Variants in MAP2K1 observed in about 807,000 individuals in gnomAD.
MAP2K1 encodes dual specificity mitogen-activated protein kinase kinase 1.
MAP2K1 carries 16 observed loss-of-function variants against 46.3 expected under a neutral mutation model. That is an observed-to-expected ratio of 0.35 (90% CI 0.23 to 0.52). MAP2K1 has a LOEUF of 0.52. Among genes scored for constraint, MAP2K1 ranks in the 20% least tolerant of loss-of-function variants. The pLI is 0.94. For synonymous variants in MAP2K1, 183 were observed against 185.6 expected (o/e 0.99, Z 0.11); for missense variants, 263 against 497.1 (o/e 0.53, Z 4.48).
intron 1 of MAP2K1, among the ~76,000 whole-genome samples, chr15:66,405,726 A>G (rs1229187143): frequency 1.3e-5 from 2 of 152,204 alleles, no homozygotes; most frequent in East Asian, 3.8e-4. Context: ...TCTTTCTCCC[A>G]AAGAATCCTG....
At chr15:66,460,283 A>C (rs1892284902) in intron 5 of MAP2K1, among the ~76,000 whole-genome samples, 1 of 152,228 alleles carries the variant, frequency 6.6e-6, no homozygotes, top group Non-Finnish European at 1.5e-5. Flanking sequence ...ATTCACAGTG[A>C]TGATTATAGC....
At chr15:66,413,908 CTTCT>C (rs2093417796) in intron 1 of MAP2K1, among the ~76,000 whole-genome samples, 1 of 36,812 alleles carries the variant, frequency 2.7e-5, no homozygotes, top group African/African-American at 8.1e-5. Flanking sequence ...TTTTCTTCTT[CTTCT>C]TTTTTTTTTT....
At chr15:66,481,204 A>T (rs1892905583) in intron 5 of MAP2K1, among the ~76,000 whole-genome samples, 2 of 152,250 alleles carry the variant, frequency 1.3e-5, no homozygotes, top group African/African-American at 4.8e-5. Context: ...AATGGAATGG[A>T]ATCATGACTC....
chr15:66,415,111 C>A, intron 1 of MAP2K1: 1 of 520,876 alleles, frequency 1.9e-6, no homozygotes, highest in Non-Finnish European at 3.8e-6. Context: ...GCCACTATTG[C>A]TGAAGTCCTG....
chr15:66,447,860 A>G (rs374928986), intron 5 of MAP2K1, among the ~76,000 whole-genome samples: 6 of 151,782 alleles, frequency 4.0e-5, no homozygotes, highest in African/African-American at 1.5e-4. Flanking sequence ...GTGTCCATGT[A>G]ACAACTCTCA....
chr15:66,476,038 G>A (rs1029575317), intron 5 of MAP2K1, among the ~76,000 whole-genome samples: 3 of 152,160 alleles, frequency 2.0e-5, no homozygotes, highest in East Asian at 1.9e-4. Flanking sequence ...AGAAAATATC[G>A]GAGAAGAACA....
intron 1 of MAP2K1, among the ~76,000 whole-genome samples, chr15:66,429,842 T>A (rs1162593390): frequency 1.3e-5 from 2 of 152,112 alleles, no homozygotes; most frequent in African/African-American, 4.8e-5. Context: ...GTTTGACTGT[T>A]CAGAGACCCA....
At chr15:66,446,440 CAAA>C (rs56036349) in intron 5 of MAP2K1, 29 of 124,234 alleles carry the variant, frequency 2.3e-4, no homozygotes, top group Middle Eastern at 3.7e-3. Flanking sequence ...GACTCCGTCT[CAAA>C]AAAAAAAAAA....
intron 6 of MAP2K1, among the ~76,000 whole-genome samples, chr15:66,482,119 C>T (rs1892928583): frequency 1.3e-5 from 2 of 152,136 alleles, no homozygotes; most frequent in Non-Finnish European, 2.9e-5. Flanking sequence ...CTGTCCAGCT[C>T]CAGAGTGTGG....
intron 1 of MAP2K1, among the ~76,000 whole-genome samples, chr15:66,425,469 G>A (rs1281568357): frequency 1.3e-5 from 2 of 152,152 alleles, no homozygotes; most frequent in Non-Finnish European, 2.9e-5. Flanking sequence ...GCTGACAGAT[G>A]TGTAGGTGAG....
intron 5 of MAP2K1, among the ~76,000 whole-genome samples, chr15:66,472,120 T>C (rs2140651812): frequency 6.8e-6 from 1 of 146,056 alleles, no homozygotes; most frequent in African/African-American, 2.6e-5. Context: ...CTGGCCAACA[T>C]GGCGAAACCC....
Position 66,436,787 on chromosome 15 carries a change from C to T in MAP2K1, c.333C>T (p.Ile111=), listed in dbSNP as rs764248591. ...TCAAACCCGCAATCCGGAACCAGAT[C>T]ATAAGGGAGCTGCAGGTTCTGCATG... ...LEIKPAIRNQ[I]IRELQVLHEC... is the part of the protein sequence containing the mutation. The change falls in exon 3 of 11, where the codon ATC becomes ATT. Residue 111 remains isoleucine, a synonymous_variant. Transcript: ENST00000307102. 1.2e-6 allele frequency: 2 copies of T among 1,614,208 alleles called. No individual in the cohort carries two copies. Among genetic ancestry groups the T allele is most frequent in the Middle Eastern group, 1.6e-4 (1 of 6,062 alleles).
At chr15:66,468,965 T>C (rs867711217) in intron 5 of MAP2K1, among the ~76,000 whole-genome samples, 1 of 109,554 alleles carries the variant, frequency 9.1e-6, no homozygotes, top group Non-Finnish European at 2.1e-5. Context: ...AAAAAAAAAA[T>C]TTTTTTTTTT....
rs1367933785 is a variant in MAP2K1 at position 66,420,807 on chromosome 15, A to G, written c.81-14220A>G. On this transcript the variant is annotated intron_variant, in intron 1 of 10. Coordinates refer to ENST00000307102, the MANE Select transcript of MAP2K1 (RefSeq NM_002755.4). ...TATATATGTGTGTATATATATGTGT[A>G]TATATATGTGTATATATATATGTGT... is the stretch of plus-strand genomic sequence containing the variant. Among the ~76,000 whole-genome samples the G allele has an allele frequency of 1.2e-3, 119 of 99,308 alleles. 9 individuals are homozygous for G. The highest frequency in any genetic ancestry group is 3.8e-3 in the African/African-American group (112 of 29,264). 65.1% of individuals were successfully genotyped at this position (99,308 alleles called of 152,430 possible).
intron 7 of MAP2K1, 28 bp from the exon 8 acceptor site, chr15:66,487,200 G>A: frequency 2.5e-6 from 4 of 1,599,990 alleles, no homozygotes; most frequent in Non-Finnish European, 3.4e-6. Flanking sequence ...TTTCTGAGAA[G>A]TATTTTTTCT....
At chr15:66,489,788 TAC>T in intron 10 of MAP2K1, 25 bp downstream of exon 10, 1 of 1,590,078 alleles carries the variant, frequency 6.3e-7, no homozygotes, top group Non-Finnish European at 8.6e-7. Context: ...TCCGGATTCT[TAC>T]AGTACCTGTT....
intron 1 of MAP2K1, among the ~76,000 whole-genome samples, chr15:66,434,469 A>G (rs1485943015): frequency 6.6e-6 from 1 of 152,170 alleles, no homozygotes; most frequent in Non-Finnish European, 1.5e-5. Flanking sequence ...ATTTATATAC[A>G]TTGAGTAAAA....
intron 1 of MAP2K1, among the ~76,000 whole-genome samples, chr15:66,400,366 T>C (rs1352543788): frequency 6.6e-6 from 1 of 152,190 alleles, no homozygotes; most frequent in East Asian, 1.9e-4. Context: ...AACTTTTTGC[T>C]AGCATTTCTC....
intron 5 of MAP2K1, among the ~76,000 whole-genome samples, chr15:66,454,938 A>T (rs1431697451): frequency 6.6e-6 from 1 of 152,078 alleles, no homozygotes; most frequent in Non-Finnish European, 1.5e-5. Context: ...GTCCTTTGAC[A>T]AGCTGATCCT....
Sources: gnomAD v4.1 joint callset for allele counts (sites outside exome capture counted in the v4.1 genomes callset) on GRCh38, gnomAD v4.1.1 for gene constraint, MANE v1.5 for transcripts, NCBI Gene and HGNC (gene_info 2026-07-23, HGNC 2026-07-21) for gene names.